CMSS1: variants seen among roughly 807,000 people sequenced by gnomAD.
CMSS1 encodes cms1 ribosomal small subunit homolog, also known as protein CMSS1.
In CMSS1, 33 loss-of-function variants were observed where a neutral mutation model predicts 43.5. That is an observed-to-expected ratio of 0.76 (90% CI 0.57 to 1.01). The LOEUF (loss-of-function observed/expected upper bound fraction) is 1.01. CMSS1 is among the 50% of genes least tolerant of loss of function. CMSS1 has a pLI of 0.00. For synonymous variants in CMSS1, 115 were observed against 117.2 expected, an observed-to-expected ratio of 0.98 and a Z score of 0.12; for missense variants, 313 against 326.4, an observed-to-expected ratio of 0.96 and a Z score of 0.32.
intron 1 of CMSS1, among the ~76,000 whole-genome samples, chr3:99,962,127 C>A (rs1708512196): frequency 6.6e-6 from 1 of 152,096 alleles, no homozygotes; most frequent in African/African-American, 2.4e-5. Context: ...GAAGGTATTC[C>A]AGGAAGGACT....
chr3:100,071,512 G>C (rs549654998), intron 1 of CMSS1, among the ~76,000 whole-genome samples: 2 of 152,282 alleles, frequency 1.3e-5, no homozygotes, highest in South Asian at 4.1e-4. Context: ...ATTTACATGG[G>C]AGAAGGGTGG....
chr3:99,879,152 T>A (rs1193510490), intron 1 of CMSS1, among the ~76,000 whole-genome samples: 1 of 152,236 alleles, frequency 6.6e-6, no homozygotes, highest in Non-Finnish European at 1.5e-5. Context: ...ATGATCTAAA[T>A]CAGCACTAGC....
chr3:100,104,846 C>T (rs755350437), intron 1 of CMSS1, among the ~76,000 whole-genome samples: 16 of 152,180 alleles, frequency 1.1e-4, no homozygotes, highest in Non-Finnish European at 2.1e-4. Context: ...CCATTTACAG[C>T]TTAGCTAGCT....
At chr3:100,024,545 T>C (rs572193864) in intron 1 of CMSS1, among the ~76,000 whole-genome samples, 41 of 152,276 alleles carry the variant, frequency 2.7e-4, no homozygotes, top group African/African-American at 8.7e-4. Flanking sequence ...CTGTTTTCTT[T>C]CATGGTTATA....
intron 1 of CMSS1, among the ~76,000 whole-genome samples, chr3:100,119,763 A>G (rs768928868): frequency 1.2e-4 from 18 of 152,242 alleles, no homozygotes; most frequent in Non-Finnish European, 2.6e-4. Context: ...CCAGGGTTGT[A>G]AACTTTTGTC....
At chr3:100,135,294 C>CA (rs369432179) in intron 1 of CMSS1, among the ~76,000 whole-genome samples, 73 of 152,200 alleles carry the variant, frequency 4.8e-4, no homozygotes, top group African/African-American at 1.5e-3. Flanking sequence ...AAAACTGCCC[C>CA]AAAATATATA....
chr3:99,956,156 A>T (rs1708313455), intron 1 of CMSS1, among the ~76,000 whole-genome samples: 2 of 152,126 alleles, frequency 1.3e-5, no homozygotes, highest in African/African-American at 2.4e-5. Context: ...CAAAGCTTTA[A>T]CACTCTTTTC....
At chr3:100,071,577 G>A (rs2065764601) in intron 1 of CMSS1, among the ~76,000 whole-genome samples, 1 of 152,190 alleles carries the variant, frequency 6.6e-6, no homozygotes. Context: ...ACTGGTTCCA[G>A]TCAGAGCCAA....
chr3:100,037,368 TA>T (rs1397575761), intron 1 of CMSS1, among the ~76,000 whole-genome samples: 1 of 152,074 alleles, frequency 6.6e-6, no homozygotes, highest in African/African-American at 2.4e-5. Context: ...GGGTGAAGGG[TA>T]AAAGATTTTT....
At chr3:99,925,490 A>G (rs1429472122) in intron 1 of CMSS1, among the ~76,000 whole-genome samples, 1 of 152,202 alleles carries the variant, frequency 6.6e-6, no homozygotes, top group African/African-American at 2.4e-5. Context: ...CAAGCAAGCA[A>G]GGAAACTGAG....
rs75907279 is a variant in CMSS1, at chr3:99,915,063, G to A, written c.64+97020G>A. Among the ~76,000 whole-genome samples, 667 of 151,938 alleles carry A rather than the reference G, an allele frequency of 4.4e-3. 7 individuals carry two copies. The highest frequency in any genetic ancestry group is 0.016 in the African/African-American group (653 of 41,468). The stretch of plus-strand genomic sequence containing the variant: ...TTTTAGGATCATTTTTTTTCTTCTA[G>A]CTCCATGATAAGGGCACCATATGCT... On this transcript the variant is annotated intron_variant, in intron 1 of 9. Transcript: ENST00000421999.
At chr3:100,013,592 T>G (rs1455875517) in intron 1 of CMSS1, among the ~76,000 whole-genome samples, 1 of 152,184 alleles carries the variant, frequency 6.6e-6, no homozygotes, top group African/African-American at 2.4e-5. Flanking sequence ...TGTTTGAAAT[T>G]ATATTTATAA....
At chr3:99,872,203 A>G (rs1944824972) in intron 1 of CMSS1, among the ~76,000 whole-genome samples, 1 of 150,010 alleles carries the variant, frequency 6.7e-6, no homozygotes, top group Non-Finnish European at 1.5e-5. Context: ...AAAGTGAGGC[A>G]TTTGGATCAG....
intron 1 of CMSS1, among the ~76,000 whole-genome samples, chr3:100,111,367 C>T (rs978640121): frequency 2.0e-5 from 3 of 152,112 alleles, no homozygotes; most frequent in Non-Finnish European, 2.9e-5. Flanking sequence ...TGAGGCTGTG[C>T]GTTAGAGAAA....
intron 1 of CMSS1, chr3:99,850,121 G>T: frequency 6.2e-7 from 1 of 1,612,578 alleles, no homozygotes; most frequent in Admixed American, 1.7e-5. Context: ...GAAGCAGCTT[G>T]TAATTTATCT....
chr3:99,981,095 G>A (rs76287786), intron 1 of CMSS1, among the ~76,000 whole-genome samples: 5 of 152,204 alleles, frequency 3.3e-5, no homozygotes, highest in African/African-American at 1.2e-4. Context: ...TCACATTTGT[G>A]TGGGATTACA....
chr3:100,123,100 A>G (rs2107493235), intron 1 of CMSS1, among the ~76,000 whole-genome samples: 1 of 152,358 alleles, frequency 6.6e-6, no homozygotes, highest in South Asian at 2.1e-4. Flanking sequence ...GTAACAAATC[A>G]GATGATAAGT....
At chr3:99,995,813 T>C (rs999622688) in intron 1 of CMSS1, among the ~76,000 whole-genome samples, 2 of 152,172 alleles carry the variant, frequency 1.3e-5, no homozygotes, top group Non-Finnish European at 2.9e-5. Context: ...CTTTCAGCAA[T>C]GGCCAGAGCA....
At chr3:99,895,889 G>A (rs986995614) in intron 1 of CMSS1, among the ~76,000 whole-genome samples, 4 of 152,194 alleles carry the variant, frequency 2.6e-5, no homozygotes, top group Admixed American at 6.5e-5. Context: ...CAATGTTGAT[G>A]TTTGGTCAGG....
Sources: allele counts gnomAD v4.1 joint callset (sites outside exome capture counted in the v4.1 genomes callset), GRCh38; gene constraint gnomAD v4.1.1; transcripts MANE v1.5; gene names NCBI Gene and HGNC (gene_info 2026-07-23, HGNC 2026-07-21).